STK3: variants seen among roughly 807,000 people sequenced by gnomAD.
STK3 encodes serine/threonine-protein kinase 3.
A neutral mutation model predicts 58.0 loss-of-function variants in STK3; 41 were observed. The observed-to-expected ratio is 0.71, with a 90% confidence interval of 0.55 to 0.92. The LOEUF (loss-of-function observed/expected upper bound fraction) is 0.92. Ranked by LOEUF, STK3 falls within the 40% of genes least tolerant of loss-of-function variation. STK3 has a pLI of 0.00. For missense variants in STK3, 479 were observed against 602.7 expected, an observed-to-expected ratio of 0.79 and a Z score of 2.15; for synonymous variants, 170 against 191.0, an observed-to-expected ratio of 0.89 and a Z score of 0.91.
intron 4 of STK3, among the ~76,000 whole-genome samples, chr8:98,726,293 G>A (rs1827786299): frequency 6.6e-6 from 1 of 152,236 alleles, no homozygotes; most frequent in African/African-American, 2.4e-5. Flanking sequence ...AGTTAAGGTA[G>A]AAGGGATAGT....
At chr8:98,578,122 A>T (rs1813561243) in intron 8 of STK3, among the ~76,000 whole-genome samples, 1 of 152,208 alleles carries the variant, frequency 6.6e-6, no homozygotes, top group Non-Finnish European at 1.5e-5. Context: ...TGAAACCACA[A>T]GAAACAACTA....
Position 98,865,723 on chromosome 8 carries a change from A to C in STK3, c.110+17924T>G, listed in dbSNP as rs147056027. The stretch of plus-strand genomic sequence containing the variant: ...ATAAAGTTATACGACGTGCCTTTAA[A>C]ATAGCAGTAGGCCAATGCCATTGGC... On this transcript the variant is annotated intron_variant, in intron 3 of 12. Coordinates refer to the STK3 transcript ENST00000523601. Among the ~76,000 whole-genome samples, 96 of 152,374 alleles carry C rather than the reference A, an allele frequency of 6.3e-4. 1 individual carries two copies. The highest frequency in any genetic ancestry group is 2.2e-3 in the African/African-American group (93 of 41,580).
intron 3 of STK3, among the ~76,000 whole-genome samples, chr8:98,861,457 C>T (rs761180279): frequency 4.7e-5 from 7 of 148,616 alleles, no homozygotes; most frequent in Non-Finnish European, 7.4e-5. Context: ...AAGCAATTCT[C>T]CTGCCTCAGG....
At chr8:98,692,144 C>T (rs1010248993) in intron 6 of STK3, among the ~76,000 whole-genome samples, 2 of 151,976 alleles carry the variant, frequency 1.3e-5, no homozygotes, top group Non-Finnish European at 2.9e-5. Flanking sequence ...CTAGCAGGAA[C>T]GTGAAGAAAC....
chr8:98,659,995 AT>A (rs1228792433), intron 6 of STK3, among the ~76,000 whole-genome samples: 1 of 151,996 alleles, frequency 6.6e-6, no homozygotes, highest in Non-Finnish European at 1.5e-5. Flanking sequence ...AAAAGGAAAG[AT>A]AATCTATACT....
At chr8:98,440,456 C>A (rs150661932) in intron 1 of STK3, among the ~76,000 whole-genome samples, 33 of 152,260 alleles carry the variant, frequency 2.2e-4, no homozygotes, top group African/African-American at 7.2e-4. Flanking sequence ...ATTCCAGAAC[C>A]CTTTTCATCT....
intron 4 of STK3, among the ~76,000 whole-genome samples, chr8:98,731,247 A>AG (rs1828176992): frequency 6.6e-6 from 1 of 152,176 alleles, no homozygotes; most frequent in African/African-American, 2.4e-5. Flanking sequence ...TTAGAACCAT[A>AG]GGGTAGGGAG....
At chr8:98,478,611 T>C (rs1821575248) in intron 10 of STK3, among the ~76,000 whole-genome samples, 1 of 152,240 alleles carries the variant, frequency 6.6e-6, no homozygotes, top group African/African-American at 2.4e-5. Flanking sequence ...ACATTTTCTT[T>C]TCTGCCTAGC....
intron 3 of STK3, among the ~76,000 whole-genome samples, chr8:98,838,740 C>G (rs767204443): frequency 1.2e-4 from 19 of 152,028 alleles, no homozygotes; most frequent in Non-Finnish European, 2.4e-4. Flanking sequence ...TCCCAAAAAT[C>G]CTCTTTACCG....
At chr8:98,908,833 G>C (rs1839017842) in intron 1 of STK3, among the ~76,000 whole-genome samples, 1 of 120,050 alleles carries the variant, frequency 8.3e-6, no homozygotes, top group African/African-American at 3.1e-5. Context: ...ACAAGAGAGA[G>C]ACTTCTTCTC....
At chr8:98,602,692 T>C (rs1324741584) in intron 6 of STK3, among the ~76,000 whole-genome samples, 1 of 152,176 alleles carries the variant, frequency 6.6e-6, no homozygotes. Flanking sequence ...CTTCAACTCC[T>C]TCCCCAAAAT....
intron 6 of STK3, among the ~76,000 whole-genome samples, chr8:98,643,317 C>T (rs866076791): frequency 1.3e-5 from 2 of 152,164 alleles, no homozygotes; most frequent in Non-Finnish European, 2.9e-5. Flanking sequence ...ATTACCTCAT[C>T]TTCTATTAAT....
chr8:98,463,971 A>T (rs1820219768), intron 10 of STK3, among the ~76,000 whole-genome samples: 1 of 152,166 alleles, frequency 6.6e-6, no homozygotes, highest in Admixed American at 6.5e-5. Flanking sequence ...CATTTAGTCA[A>T]ACAGTCAATC....
chr8:98,934,727 C>A (rs962866542), intron 1 of STK3, among the ~76,000 whole-genome samples: 5 of 152,070 alleles, frequency 3.3e-5, no homozygotes, highest in Admixed American at 6.5e-5. Flanking sequence ...ACCAGCCTGG[C>A]CAACATGGTG....
intron 6 of STK3, among the ~76,000 whole-genome samples, chr8:98,667,547 T>A (rs1379527454): frequency 6.6e-6 from 1 of 152,142 alleles, no homozygotes; most frequent in African/African-American, 2.4e-5. Flanking sequence ...TTTGACTGAT[T>A]GGCAACACTT....
At chr8:98,839,701 C>T (rs889645999) in intron 3 of STK3, among the ~76,000 whole-genome samples, 1 of 151,934 alleles carries the variant, frequency 6.6e-6, no homozygotes, top group African/African-American at 2.4e-5. Flanking sequence ...GGTTAATTTC[C>T]CTCAGGTATT....
At chr8:98,915,431 C>CATATATATAT (rs1564102087) in intron 1 of STK3, among the ~76,000 whole-genome samples, 3 of 34,162 alleles carry the variant, frequency 8.8e-5, no homozygotes, top group African/African-American at 3.6e-4. Flanking sequence ...AATAAACTTT[C>CATATATATAT]CTATATATAT....
At chr8:98,900,910 C>T (rs1336240250) in intron 1 of STK3, among the ~76,000 whole-genome samples, 6 of 152,160 alleles carry the variant, frequency 3.9e-5, no homozygotes, top group Non-Finnish European at 8.8e-5. Flanking sequence ...GATCCGCCTG[C>T]CTCGGCTTCC....
intron 8 of STK3, 89 bp downstream of exon 8, chr8:98,579,575 A>G: frequency 6.9e-7 from 1 of 1,449,822 alleles, no homozygotes; most frequent in Non-Finnish European, 9.3e-7. Flanking sequence ...TTGTATAGTA[A>G]AACAGTAAGT....
Sources: allele counts gnomAD v4.1 joint callset (sites outside exome capture counted in the v4.1 genomes callset), GRCh38; gene constraint gnomAD v4.1.1; transcripts MANE v1.5; gene names NCBI Gene and HGNC (gene_info 2026-07-23, HGNC 2026-07-21).